The following DGKA variants were observed in gnomAD, a reference collection of about 807,000 sequenced individuals.
The protein encoded by DGKA is 80 kDa diacylglycerol kinase.
DGKA carries 35 observed loss-of-function variants against 105.0 expected under a neutral mutation model. The observed-to-expected ratio is 0.33, with a 90% CI of 0.25 to 0.44. DGKA has a LOEUF of 0.44. DGKA is among the 20% of genes least tolerant of loss of function. The pLI is 1.00. For missense variants in DGKA, 665 were observed against 915.0 expected, an observed-to-expected ratio of 0.73 and a Z score of 3.53; for synonymous variants, 296 against 332.0, an observed-to-expected ratio of 0.89 and a Z score of 1.18.
rs1201806278 is a variant in DGKA, at chr12:55,940,393, A to G, written c.878A>G (p.His293Arg). The G allele has an allele frequency of 6.2e-7, 1 of 1,614,210 alleles. No homozygotes were observed. The highest frequency in any genetic ancestry group is 8.5e-7 in the Non-Finnish European group (1 of 1,180,034). ...TGTCAGAAAAAGATCCGGATCTACC[A>G]CAGTCTGACCGGGCTGCATTGTGTA... ...DRCQKKIRIY[H>R]SLTGLHCVWC... Residue 293 changes from histidine to arginine, a missense_variant, in exon 11 of 24, where the codon CAC becomes CGC. Coordinates refer to ENST00000331886, the MANE Select transcript of DGKA (RefSeq NM_001345.5). This position sits in a 1 kb window ranked among gnomAD's most constrained non-coding sequence, Gnocchi z 4.3.
chr12:55,941,929 G>C, intron 15 of DGKA, 69 bp from the exon 16 acceptor site: 1 of 1,506,958 alleles, frequency 6.6e-7, no homozygotes, highest in Non-Finnish European at 9.2e-7. Flanking sequence ...GAAGCAATCT[G>C]CCTGCTCAGG....
chr12:55,952,301 C>G lies in DGKA; in HGVS notation c.1653-40C>G. 6.2e-7 allele frequency: 1 copy of G among 1,601,062 alleles called. No individual in the cohort carries two copies. The highest frequency in any genetic ancestry group is 8.6e-7 in the Non-Finnish European group (1 of 1,168,174). Reference sequence around the variant, plus strand: ...ACCACCCCTGCCAGCACTGTGTAACCTGTCCCTCCCTACTGGGCCTTGTGT... The same window carrying G: ...ACCACCCCTGCCAGCACTGTGTAACGTGTCCCTCCCTACTGGGCCTTGTGT... On this transcript the variant is annotated intron_variant, in intron 19 of 23. Coordinates refer to ENST00000331886, the MANE Select transcript of DGKA (RefSeq NM_001345.5). The surrounding 1 kb of genome is among the most constrained non-coding windows in gnomAD (Gnocchi z 5.1).
upstream of DGKA, chr12:55,927,884 T>C: frequency 7.8e-7 from 1 of 1,281,000 alleles, no homozygotes; most frequent in Non-Finnish European, 1.1e-6. Flanking sequence ...CCAGACCTCC[T>C]AACCCTGAGT....
intron 17 of DGKA, among the ~76,000 whole-genome samples, chr12:55,949,872 C>G (rs560654986): frequency 6.6e-6 from 1 of 152,066 alleles, no homozygotes; most frequent in Non-Finnish European, 1.5e-5. Context: ...TGCTGGAGTA[C>G]AGTGGTGAGC....
upstream of DGKA, chr12:55,927,961 T>G: frequency 1.6e-6 from 1 of 630,418 alleles, no homozygotes; most frequent in Non-Finnish European, 2.6e-6. Context: ...CTACTTAGTA[T>G]TCTAATTAAA....
Position 55,942,264 on chromosome 12 carries a change from G to A in DGKA, c.1426+1G>A. On this transcript the variant is annotated splice_donor_variant, in intron 17 of 23. Transcript: ENST00000331886. LOFTEE classifies it high-confidence loss of function. ...GCTCGATGCCTAAGATGGGGAGGAG[G>A]TAAGTGGTTAGAAATTGTTTTGCTG... 1 of 1,614,170 alleles carries A rather than the reference G, an allele frequency of 6.2e-7. No individual in the cohort carries two copies. The highest frequency in any genetic ancestry group is 8.5e-7 in the Non-Finnish European group (1 of 1,179,980).
At position 55,937,223 on chromosome 12, in the gene DGKA, T is replaced by G. The variant is rs1227236857; in HGVS notation, c.138+133T>G. On this transcript the variant is annotated intron_variant, in intron 3 of 23. Transcript: ENST00000331886. ...GAGATACCCTAGTGTCCATTGTCAC[T>G]CTGACTATTGCTTTAGGATAAAACA... 9.8e-6 allele frequency: 12 copies of G among 1,230,232 alleles called. No homozygotes were observed. In the African/African-American group the frequency reaches 1.6e-4, roughly 17 times the overall value. 76.2% of individuals were successfully genotyped at this position (1,230,232 alleles called of 1,614,324 possible).
intron 8 of DGKA, 26 bp downstream of exon 8, chr12:55,939,331 G>C: frequency 6.2e-7 from 1 of 1,613,074 alleles, no homozygotes; most frequent in African/African-American, 1.3e-5. Flanking sequence ...TTTGGGGGAT[G>C]AGTAAGACAG....
At position 55,940,680 on chromosome 12, in the gene DGKA, G is replaced by A. The variant is rs1885743394; in HGVS notation, c.975G>A (p.Arg325=). 1.2e-6 allele frequency: 2 copies of A among 1,605,074 alleles called. No individual in the cohort carries two copies. Among genetic ancestry groups the A allele is most frequent in the African/African-American group, 1.3e-5 (1 of 74,176 alleles). The part of the protein sequence containing the change: ...VGHECDCGLL[R]DHILPPSSIY... ...ATGAGTGTGACTGTGGGCTGCTCCG[G>A]GATCACATCCTGCCTCCATCTTCCA... The change falls in exon 12 of 24, where the codon CGG becomes CGA. Residue 325 remains arginine (R), a synonymous_variant. Transcript: ENST00000331886. This position sits in a 1 kb window ranked among gnomAD's most constrained non-coding sequence, Gnocchi z 4.3.
intron 17 of DGKA, among the ~76,000 whole-genome samples, chr12:55,951,354 C>T (rs1329448868): frequency 6.6e-6 from 1 of 152,212 alleles, no homozygotes; most frequent in Non-Finnish European, 1.5e-5. Flanking sequence ...TCTTTTTCAG[C>T]ATTCTCCTGG....
chr12:55,941,894 G>T (rs773469472), intron 15 of DGKA, 104 bp from the exon 16 acceptor site: 20 of 1,202,642 alleles, frequency 1.7e-5, no homozygotes, highest in Non-Finnish European at 2.1e-5. Flanking sequence ...CAAAAAGGAG[G>T]AGGGTCCTAC....
intron 1 of DGKA, chr12:55,936,147 C>A: frequency 1.7e-6 from 1 of 605,740 alleles, no homozygotes; most frequent in Non-Finnish European, 2.2e-6. Context: ...TGAGGGTGGT[C>A]AGATGAATCA....
chr12:55,941,935 T>C (rs2136338627), intron 15 of DGKA, 63 bp from the exon 16 acceptor site: 1 of 1,542,552 alleles, frequency 6.5e-7, no homozygotes, highest in Non-Finnish European at 9.0e-7. Flanking sequence ...ATCTGCCTGC[T>C]CAGGACTTGG....
rs765584533 is a variant in DGKA, at chr12:55,938,506, C to G, written c.350-5C>G. Reference sequence around the variant, plus strand: ...TGACCCTGGCCCCCCTAAAACACCCCACAGTCACCTTCAAGCTGTACGACA... The same window carrying G: ...TGACCCTGGCCCCCCTAAAACACCCGACAGTCACCTTCAAGCTGTACGACA... On this transcript the variant is annotated splice_region_variant and splice_polypyrimidine_tract_variant and intron_variant, in intron 5 of 23. Coordinates refer to ENST00000331886, the MANE Select transcript of DGKA (RefSeq NM_001345.5). The G allele has an allele frequency of 4.3e-6, 7 of 1,614,080 alleles. No homozygotes were observed. Among genetic ancestry groups the G allele is most frequent in the Admixed American group, 3.3e-5 (2 of 60,018 alleles).
At position 55,932,709 on chromosome 12, in the gene DGKA, GCACACACACA is replaced by G. The variant is rs57799285; in HGVS notation, c.-82+1388_-82+1397del. On this transcript the variant is annotated intron_variant, in intron 1 of 23. Coordinates refer to ENST00000331886, the MANE Select transcript of DGKA (RefSeq NM_001345.5). The surrounding 1 kb of genome is among the most constrained non-coding windows in gnomAD (Gnocchi z 4.3). Reference sequence around the variant, plus strand: ...ACACCCTCTACACACACACACACACGCACACACACACACACACACACACACACACACAACC... The same window carrying G: ...ACACCCTCTACACACACACACACACGCACACACACACACACACACACAACC... The G allele has an allele frequency of 1.5e-4, 74 of 498,996 alleles. No individual in the cohort carries two copies. Among genetic ancestry groups the G allele is most frequent in the Admixed American group, 4.2e-4 (14 of 33,672 alleles). The allele number at this position is 498,996 out of a possible 1,614,324, so 30.9% of individuals were successfully genotyped here. A position where few individuals can be genotyped will look rare whatever the true frequency, so the allele number is the denominator to read the frequency against.
chr12:55,937,024 CA>C lies in DGKA; in HGVS notation c.77del (p.Lys26ArgfsTer6). The C allele has an allele frequency of 6.2e-7, 1 of 1,614,052 alleles. No individual in the cohort carries two copies. Reference protein sequence around the residue: ...QLQKYMEYSTKKVSDVLKLFE... With the variant: ...QLQKYMEYSTXKVSDVLKLFE... ...ACTCTCTCTACACCCTAGACTCCAC[CA>C]AAAAGGTCAGTGATGTCCTAAAGCT... On this transcript the variant is annotated frameshift_variant, in exon 3 of 24. Coordinates refer to ENST00000331886, the MANE Select transcript of DGKA (RefSeq NM_001345.5). LOFTEE classifies it high-confidence loss of function.
intron 17 of DGKA, among the ~76,000 whole-genome samples, chr12:55,951,008 T>C (rs1435813374): frequency 6.6e-6 from 1 of 152,182 alleles, no homozygotes; most frequent in Non-Finnish European, 1.5e-5. Flanking sequence ...TCCCAGCACT[T>C]TGGGATGTTT....
chr12:55,953,416 T>C lies in DGKA; in HGVS notation c.2124+6T>C. ...GGATGCAGACGCCCTGTACAGTGAGTATTGACGATCCCAGCCAAAAATTAA... is the reference window on the plus strand; with the variant it reads ...GGATGCAGACGCCCTGTACAGTGAGCATTGACGATCCCAGCCAAAAATTAA... On this transcript the variant is annotated splice_donor_region_variant and intron_variant, in intron 23 of 23. Coordinates refer to ENST00000331886, the MANE Select transcript of DGKA (RefSeq NM_001345.5). 1 of 1,613,948 alleles carries C rather than the reference T, an allele frequency of 6.2e-7. No individual in the cohort carries two copies. The highest frequency in any genetic ancestry group is 8.5e-7 in the Non-Finnish European group (1 of 1,179,934).
Position 55,952,882 on chromosome 12 carries a change from C to A in DGKA, c.1892C>A (p.Ala631Asp). The A allele has an allele frequency of 3.7e-6, 6 of 1,614,164 alleles. No individual in the cohort carries two copies. The highest frequency in any genetic ancestry group is 5.1e-6 in the Non-Finnish European group (6 of 1,180,030). The change falls in exon 21 of 24, where the codon GCT (alanine) becomes GAT (aspartate). Residue 631 changes from alanine to aspartate, a missense_variant. Physicochemically the swap from Ala to Asp is moderately radical, Grantham distance 126. Transcript: ENST00000331886. This position sits in a 1 kb window ranked among gnomAD's most constrained non-coding sequence, Gnocchi z 5.1. ...DIYGINQALG[A>D]TAKVITDPDI... ...TATGGGATCAACCAGGCCTTAGGTG[C>A]TACAGCTAAAGTCATCACCGACCCT... is the stretch of plus-strand genomic sequence containing the variant.
Sources: gnomAD v4.1 joint callset for allele counts (sites outside exome capture counted in the v4.1 genomes callset) on GRCh38, gnomAD v4.1.1 for gene constraint, Gnocchi (gnomAD v3.1) non-coding constraint, MANE v1.5 for transcripts, NCBI Gene and HGNC (gene_info 2026-07-23, HGNC 2026-07-21) for gene names.